RGS3: variants seen among roughly 807,000 people sequenced by gnomAD.
RGS3 encodes regulator of G-protein signalling 3.
RGS3 carries 80 observed loss-of-function variants against 132.6 expected under a neutral mutation model. The ratio of observed to expected loss-of-function variants is 0.60; its 90% CI spans 0.50 to 0.73. RGS3 has a LOEUF of 0.73. RGS3 is among the 30% of genes least tolerant of loss of function. The pLI, the probability that RGS3 is intolerant of heterozygous loss-of-function variation, is 0.00. For synonymous variants in RGS3, 598 were observed against 620.6 expected (o/e 0.96, Z 0.54); for missense variants, 1,382 against 1,530.8 (o/e 0.90, Z 1.62).
intron 19 of RGS3, among the ~76,000 whole-genome samples, chr9:113,552,864 A>G (rs1833394961): frequency 1.3e-5 from 2 of 152,322 alleles, no homozygotes; most frequent in South Asian, 4.1e-4. Context: ...ATTTGAGGGA[A>G]TTTAAAGTTT....
At chr9:113,474,589 G>A (rs1829933179) in intron 3 of RGS3, among the ~76,000 whole-genome samples, 1 of 152,212 alleles carries the variant, frequency 6.6e-6, no homozygotes, top group South Asian at 2.1e-4. Flanking sequence ...GAAGACTTGA[G>A]TACAGACGTG....
intron 3 of RGS3, among the ~76,000 whole-genome samples, chr9:113,474,382 A>G (rs1829927356): frequency 6.6e-6 from 1 of 152,186 alleles, no homozygotes; most frequent in African/African-American, 2.4e-5. Context: ...TTATGTCCAT[A>G]GAGCTGTGTG....
At chr9:113,447,773 C>T (rs1431179593) in intron 1 of RGS3, among the ~76,000 whole-genome samples, 9 of 151,448 alleles carry the variant, frequency 5.9e-5, no homozygotes, top group Admixed American at 5.3e-4. Flanking sequence ...CTATCCACTT[C>T]TCTCTGCTTT....
At chr9:113,452,121 C>G (rs367724019) in intron 1 of RGS3, among the ~76,000 whole-genome samples, 9 of 152,280 alleles carry the variant, frequency 5.9e-5, no homozygotes, top group East Asian at 1.9e-4. Flanking sequence ...ACCTCAGCCT[C>G]CCGAGTAGCT....
chr9:113,464,891 A>G (rs1253573757), intron 3 of RGS3, among the ~76,000 whole-genome samples: 1 of 152,156 alleles, frequency 6.6e-6, no homozygotes, highest in South Asian at 2.1e-4. Flanking sequence ...CCTGCTCAAC[A>G]TATTTGGTTT....
In RGS3 at chr9:113,594,899, T is replaced by C. The variant is rs1198960302; in HGVS notation, c.3183-20T>C. The C allele has an allele frequency of 2.5e-6, 4 of 1,613,202 alleles. No individual in the cohort carries two copies. The highest frequency in any genetic ancestry group is 3.4e-6 in the Non-Finnish European group (4 of 1,179,268). On this transcript the variant is annotated intron_variant, in intron 22 of 24. Transcript: ENST00000350696. Reference sequence around the variant, plus strand: ...CAAGCCTCTCAGTGCCCTCACTGTGTTTCCTCCCTCACCCCTCAGGCCCAC... The same window carrying C: ...CAAGCCTCTCAGTGCCCTCACTGTGCTTCCTCCCTCACCCCTCAGGCCCAC...
chr9:113,552,409 CG>C (rs1833377747), intron 19 of RGS3, among the ~76,000 whole-genome samples: 1 of 152,100 alleles, frequency 6.6e-6, no homozygotes, highest in African/African-American at 2.4e-5. Flanking sequence ...ACCCGCCTCC[CG>C]GGTTCACGCC....
chr9:113,458,155 G>A (rs1008412200), upstream of RGS3, among the ~76,000 whole-genome samples: 2 of 152,222 alleles, frequency 1.3e-5, no homozygotes, highest in African/African-American at 4.8e-5. Flanking sequence ...GACCTCAAGC[G>A]ATCCGCCTGC....
chr9:113,560,956 G>C (rs1833756944), intron 19 of RGS3, among the ~76,000 whole-genome samples: 1 of 152,156 alleles, frequency 6.6e-6, no homozygotes, highest in South Asian at 2.1e-4. Context: ...GGGGCAAGGG[G>C]CTAGTCTTAC....
At chr9:113,459,489 C>T (rs1323386367), upstream of RGS3, among the ~76,000 whole-genome samples, 1 of 152,138 alleles carries the variant, frequency 6.6e-6, no homozygotes, top group African/African-American at 2.4e-5. Context: ...GTGGTTCACG[C>T]CTATAATCCC....
exon 3 of RGS3, chr9:113,462,189 G>T (rs377478059): frequency 1.9e-6 from 3 of 1,613,696 alleles, no homozygotes; most frequent in Non-Finnish European, 2.5e-6. Flanking sequence ...GCATGCCAAA[G>T]TCCAGGGTGC....
At chr9:113,547,594 T>C (rs1001840234) in intron 19 of RGS3, among the ~76,000 whole-genome samples, 1 of 152,212 alleles carries the variant, frequency 6.6e-6, no homozygotes, top group African/African-American at 2.4e-5. Flanking sequence ...AAAAGCAATG[T>C]CAAGAACCGC....
At chr9:113,576,808 G>T (rs986261076) in intron 19 of RGS3, among the ~76,000 whole-genome samples, 2 of 152,182 alleles carry the variant, frequency 1.3e-5, no homozygotes, top group African/African-American at 4.8e-5. Context: ...GTTGAGGTTT[G>T]CATGGAGGCA....
intron 3 of RGS3, among the ~76,000 whole-genome samples, chr9:113,470,172 A>AAT (rs1829785181): frequency 6.6e-6 from 1 of 152,086 alleles, no homozygotes; most frequent in Admixed American, 6.5e-5. Context: ...TGGCCTCCCA[A>AAT]AGAGTCAATT....
At chr9:113,503,865 TC>T (rs1050688443) in intron 10 of RGS3, among the ~76,000 whole-genome samples, 138 of 152,190 alleles carry the variant, frequency 9.1e-4, no homozygotes, top group Non-Finnish European at 1.7e-3. Flanking sequence ...GCTGCTCCTT[TC>T]CCCCAGCTTT....
At chr9:113,587,526 A>G (rs1425419260) in intron 20 of RGS3, among the ~76,000 whole-genome samples, 1 of 152,026 alleles carries the variant, frequency 6.6e-6, no homozygotes, top group Non-Finnish European at 1.5e-5. Flanking sequence ...GTCCCCCGGG[A>G]GTTGTCCCAA....
chr9:113,541,857 A>G, intron 19 of RGS3: 1 of 987,518 alleles, frequency 1.0e-6, no homozygotes, highest in African/African-American at 1.7e-5. Flanking sequence ...ACCTGTACAC[A>G]TTGGCTCATT....
chr9:113,586,820 C>T (rs1835141082), intron 20 of RGS3, among the ~76,000 whole-genome samples: 1 of 152,188 alleles, frequency 6.6e-6, no homozygotes. Flanking sequence ...CAGTTTCCTC[C>T]TTGGTGAAAT....
At chr9:113,501,310 G>T in intron 10 of RGS3, 1 of 926,644 alleles carries the variant, frequency 1.1e-6, no homozygotes. Context: ...GCCGGGCCCG[G>T]GGAATACTAA....
Sources: allele counts gnomAD v4.1 joint callset (sites outside exome capture counted in the v4.1 genomes callset), GRCh38; gene constraint gnomAD v4.1.1; transcripts MANE v1.5; gene names NCBI Gene and HGNC (gene_info 2026-07-23, HGNC 2026-07-21).